The following HFM1 variants were observed in gnomAD, a reference collection of about 807,000 sequenced individuals.
HFM1 encodes the protein probable ATP-dependent DNA helicase HFM1.
In HFM1, 169 loss-of-function variants were observed where a neutral mutation model predicts 192.1. The observed-to-expected ratio is 0.88, with a 90% CI of 0.78 to 1.00. The LOEUF (loss-of-function observed/expected upper bound fraction) is 1.00, where lower values mean the gene tolerates loss of function less well. Among genes scored for constraint, HFM1 ranks in the 50% least tolerant of loss-of-function variants. The probability of loss-of-function intolerance (pLI) is 0.00; values close to 1 mark genes in which losing one functional copy is unlikely to be tolerated. For synonymous variants in HFM1, 525 were observed against 537.8 expected, an observed-to-expected ratio of 0.98 and a Z score of 0.33; for missense variants, 1,661 against 1,668.0, an observed-to-expected ratio of 1.00 and a Z score of 0.07.
At chr1:91,374,670 C>A (rs1262747038) in intron 13 of HFM1, among the ~76,000 whole-genome samples, 1 of 152,200 alleles carries the variant, frequency 6.6e-6, no homozygotes, top group Non-Finnish European at 1.5e-5. Flanking sequence ...GGTCTGAGAG[C>A]AAGAACCAAG....
chr1:91,311,625 C>CA (rs35661538), intron 30 of HFM1, among the ~76,000 whole-genome samples: 29,842 of 125,298 alleles, frequency 0.24, 3,523 homozygotes, highest in South Asian at 0.38. Flanking sequence ...GACTCCATCT[C>CA]AAAAAAAAAA....
At chr1:91,300,536 T>TA (rs1326594178) in intron 30 of HFM1, among the ~76,000 whole-genome samples, 1 of 152,172 alleles carries the variant, frequency 6.6e-6, no homozygotes, top group Non-Finnish European at 1.5e-5. Flanking sequence ...AAATCCTCAA[T>TA]AAAATATTGG....
intron 30 of HFM1, among the ~76,000 whole-genome samples, chr1:91,284,256 T>G (rs1175626438): frequency 6.6e-6 from 1 of 151,518 alleles, no homozygotes; most frequent in Non-Finnish European, 1.5e-5. Flanking sequence ...TATTATTTTT[T>G]TTTTGAGATA....
At chr1:91,331,889 C>G (rs1653883027) in intron 20 of HFM1, among the ~76,000 whole-genome samples, 2 of 151,678 alleles carry the variant, frequency 1.3e-5, no homozygotes, top group Admixed American at 6.6e-5. Context: ...GAGGGAGACT[C>G]CATCTCAAAA....
intron 30 of HFM1, among the ~76,000 whole-genome samples, chr1:91,308,576 A>T (rs925601279): frequency 2.0e-5 from 3 of 152,092 alleles, no homozygotes; most frequent in Admixed American, 1.3e-4. Flanking sequence ...TCCAGGCTGG[A>T]GTGCAGTGGT....
At position 91,322,957 on chromosome 1, in the gene HFM1, C is replaced by T; in HGVS notation, c.2575G>A (p.Val859Ile). ...AGTATGAATCATCTTTACCAATTTA[C>T]TTTCATTTCTCTTGTTTTAATTCTT... ...EGRIKTREMK[V>I]NCLIQAQLGC... is the part of the protein sequence containing the mutation. The change falls in exon 23 of 39, where the codon GTA becomes ATA. Residue 859 changes from valine (V) to isoleucine (I), a missense_variant. Coordinates refer to ENST00000370425, the MANE Select transcript of HFM1 (RefSeq NM_001017975.6). The T allele has an allele frequency of 7.4e-7, 1 of 1,345,656 alleles. No homozygotes were observed. Among genetic ancestry groups the T allele is most frequent in the Non-Finnish European group, 1.0e-6 (1 of 1,003,296 alleles). 83.4% of individuals were successfully genotyped at this position (1,345,656 alleles called of 1,614,324 possible). A position where few individuals can be genotyped will look rare whatever the true frequency, so the allele number is the denominator to read the frequency against.
At chr1:91,331,589 T>C (rs1387715356) in intron 20 of HFM1, among the ~76,000 whole-genome samples, 2 of 152,354 alleles carry the variant, frequency 1.3e-5, no homozygotes, top group African/African-American at 4.8e-5. Flanking sequence ...GTGAAAGATC[T>C]TTGTAATTAA....
intron 4 of HFM1, among the ~76,000 whole-genome samples, chr1:91,386,980 T>C (rs1662283464): frequency 6.6e-6 from 1 of 152,228 alleles, no homozygotes; most frequent in African/African-American, 2.4e-5. Context: ...ACTACTTCTC[T>C]GCAAAGTTCT....
At chr1:91,327,501 TAAAG>T (rs1653091339) in intron 20 of HFM1, among the ~76,000 whole-genome samples, 1 of 152,192 alleles carries the variant, frequency 6.6e-6, no homozygotes, top group South Asian at 2.1e-4. Context: ...TTATTAGAGA[TAAAG>T]AGAGAGATAG....
At chr1:91,266,134 C>T (rs768373397) in intron 35 of HFM1, 27 bp from the exon 36 acceptor site, 5 of 1,577,438 alleles carry the variant, frequency 3.2e-6, no homozygotes, top group Non-Finnish European at 4.3e-6. Flanking sequence ...CATTTTGAAA[C>T]AAAATGCCAA....
chr1:91,298,431 A>G (rs993010717), intron 30 of HFM1, among the ~76,000 whole-genome samples: 1 of 152,192 alleles, frequency 6.6e-6, no homozygotes, highest in African/African-American at 2.4e-5. Flanking sequence ...CAGGAAATAC[A>G]AAGAATGCCA....
At position 91,322,977 on chromosome 1, in the gene HFM1, A is replaced by T; in HGVS notation, c.2555T>A (p.Ile852Asn). 7.3e-7 allele frequency: 1 copy of T among 1,374,894 alleles called. No individual in the cohort carries two copies. Among genetic ancestry groups the T allele is most frequent in the Non-Finnish European group, 9.8e-7 (1 of 1,023,598 alleles). 85.2% of individuals were successfully genotyped at this position (1,374,894 alleles called of 1,614,324 possible). A position where few individuals can be genotyped will look rare whatever the true frequency, so the allele number is the denominator to read the frequency against. ...ITIRFPMEGR[I>N]KTREMKVNCL... is the part of the protein sequence containing the mutation. Reference sequence around the variant, plus strand: ...ATTTACTTTCATTTCTCTTGTTTTAATTCTTCCTTCCATTGGAAATCTGTA... The same window carrying T: ...ATTTACTTTCATTTCTCTTGTTTTATTTCTTCCTTCCATTGGAAATCTGTA... The change falls in exon 23 of 39, where the codon ATT (isoleucine) becomes AAT (asparagine). Residue 852 changes from isoleucine to asparagine, a missense_variant. By Grantham distance (149) the Ile-to-Asn change is moderately radical. Transcript: ENST00000370425.
Position 91,323,183 on chromosome 1 carries a change from C to T in HFM1, c.2444G>A (p.Gly815Asp). Residue 815 changes from glycine to aspartate, a missense_variant, in exon 22 of 39, where the codon GGC (glycine) becomes GAC (aspartate). Coordinates refer to ENST00000370425, the MANE Select transcript of HFM1 (RefSeq NM_001017975.6). ...CTGTATATCTAGAAATTCCTTGCAGCCAGCTATCAATGTAACCTATAACAT... is the reference window on the plus strand; with the variant it reads ...CTGTATATCTAGAAATTCCTTGCAGTCAGCTATCAATGTAACCTATAACAT... ...TLSDLVTLIA[G>D]CKEFLDIQLR... The T allele has an allele frequency of 1.3e-6, 2 of 1,564,532 alleles. No individual in the cohort carries two copies. Among genetic ancestry groups the T allele is most frequent in the Non-Finnish European group, 8.8e-7 (1 of 1,139,382 alleles).
At chr1:91,402,496 T>A (rs1178717575) in intron 1 of HFM1, among the ~76,000 whole-genome samples, 1 of 152,166 alleles carries the variant, frequency 6.6e-6, no homozygotes, top group Non-Finnish European at 1.5e-5. Flanking sequence ...TGTGGTTCTA[T>A]AAATGTCTAA....
At position 91,375,663 on chromosome 1, in the gene HFM1, C is replaced by T; in HGVS notation, c.1460G>A (p.Arg487Lys). The T allele has an allele frequency of 6.2e-7, 1 of 1,613,376 alleles. No individual in the cohort carries two copies. Among genetic ancestry groups the T allele is most frequent in the Non-Finnish European group, 8.5e-7 (1 of 1,179,508 alleles). The part of the protein sequence containing the change: ...AVCLKMDESH[R>K]PVKLQKVVLG... ...GACCACTTTCTGAAGTTTCACTGGTCTATGGCTCTCATCCATTTTCAGACA... is the reference window on the plus strand; with the variant it reads ...GACCACTTTCTGAAGTTTCACTGGTTTATGGCTCTCATCCATTTTCAGACA... The change falls in exon 12 of 39, where the codon AGA (arginine) becomes AAA (lysine). Residue 487 changes from arginine (R) to lysine (K), a missense_variant. Transcript: ENST00000370425.
rs1365550762 is a variant in HFM1 at position 91,277,483 on chromosome 1, G to A, written c.3392-421C>T. Reference sequence around the variant, plus strand: ...ACAAGCTTCTCTCAACCTCCCTGGTGTGTGTGTATAATCTCCCTGGTGGGT... The same window carrying A: ...ACAAGCTTCTCTCAACCTCCCTGGTATGTGTGTATAATCTCCCTGGTGGGT... On this transcript the variant is annotated intron_variant, in intron 30 of 38. Transcript: ENST00000370425. Among the ~76,000 whole-genome samples the A allele has an allele frequency of 3.5e-5, 5 of 141,058 alleles. No individual in the cohort carries two copies. In the East Asian group the frequency reaches 1.0e-3, roughly 28 times the overall value. 92.5% of individuals were successfully genotyped at this position (141,058 alleles called of 152,430 possible). A position where few individuals can be genotyped will look rare whatever the true frequency, so the allele number is the denominator to read the frequency against.
intron 20 of HFM1, chr1:91,329,367 A>C (rs1653460127): frequency 8.1e-6 from 13 of 1,597,042 alleles, no homozygotes; most frequent in Middle Eastern, 2.0e-4. Context: ...GCTGAGTAAG[A>C]GTCATTAAGG....
chr1:91,362,496 G>C (rs1289875815), intron 13 of HFM1, among the ~76,000 whole-genome samples: 5 of 152,078 alleles, frequency 3.3e-5, no homozygotes, highest in Non-Finnish European at 7.4e-5. Flanking sequence ...GGGAGGTAAA[G>C]AAACTTTTCA....
chr1:91,349,165 T>G (rs1414641226), intron 18 of HFM1, among the ~76,000 whole-genome samples: 1 of 151,952 alleles, frequency 6.6e-6, no homozygotes, highest in African/African-American at 2.4e-5. Flanking sequence ...GGTGCGTGCC[T>G]GTAGTCTGAG....
Sources: gnomAD v4.1 joint callset for allele counts (sites outside exome capture counted in the v4.1 genomes callset) on GRCh38, gnomAD v4.1.1 for gene constraint, MANE v1.5 for transcripts, NCBI Gene and HGNC (gene_info 2026-07-23, HGNC 2026-07-21) for gene names.